Variants in EYS observed in about 807,000 individuals in gnomAD.
EYS encodes the protein protein eyes shut homolog.
Under a neutral mutation model 282.1 loss-of-function variants are expected in EYS, and 250 were observed. The ratio of observed to expected loss-of-function variants is 0.89; its 90% CI spans 0.80 to 0.98. The LOEUF is 0.98. Ranked by LOEUF, EYS falls within the 50% of genes least tolerant of loss-of-function variation. The pLI is 0.00. For missense variants in EYS, 4,016 were observed against 3,709.0 expected (o/e 1.08, Z -2.15); for synonymous variants, 1,355 against 1,282.9 (o/e 1.06, Z -1.20).
intron 40 of EYS, among the ~76,000 whole-genome samples, chr6:63,767,039 TG>T (rs1017278026): frequency 5.9e-5 from 9 of 152,106 alleles, no homozygotes; most frequent in Non-Finnish European, 1.2e-4. Context: ...CTTTCTTTTG[TG>T]TTAAAAACCC....
chr6:64,177,924 T>A (rs567633196), intron 31 of EYS, among the ~76,000 whole-genome samples: 1 of 152,266 alleles, frequency 6.6e-6, no homozygotes, highest in African/African-American at 2.4e-5. Context: ...GTTCTCCTTT[T>A]AGCATATTCC....
rs1764937585 is a variant in EYS at position 64,822,744 on chromosome 6, T to C, written c.3071A>G (p.Asn1024Ser). The C allele has an allele frequency of 1.3e-6, 2 of 1,550,214 alleles. No homozygotes were observed. Among genetic ancestry groups the C allele is most frequent in the African/African-American group, 1.4e-5 (1 of 73,052 alleles). Reference protein sequence around the residue: ...LHDGVCIDGINHYTCDCKSGF... With the variant: ...LHDGVCIDGISHYTCDCKSGF... ...ACTCTTGCAGTCACAGGTATAATGATTGATGCCATCGATACAAACTCCATC... is the reference window on the plus strand; with the variant it reads ...ACTCTTGCAGTCACAGGTATAATGACTGATGCCATCGATACAAACTCCATC... The change falls in exon 20 of 43, where the codon AAT becomes AGT. Residue 1024 changes from asparagine to serine, a missense_variant. By Grantham distance (46) the Asn-to-Ser change is conservative. Coordinates refer to ENST00000503581, the MANE Select transcript of EYS (RefSeq NM_001142800.2).
intron 26 of EYS, among the ~76,000 whole-genome samples, chr6:64,554,433 A>G (rs772416381): frequency 6.6e-6 from 1 of 152,068 alleles, no homozygotes; most frequent in Non-Finnish European, 1.5e-5. Flanking sequence ...TCAAGCTTAC[A>G]CTAAAAATGC....
chr6:64,781,800 C>A (rs1409889977), intron 22 of EYS, among the ~76,000 whole-genome samples: 3 of 152,112 alleles, frequency 2.0e-5, no homozygotes, highest in Non-Finnish European at 4.4e-5. Flanking sequence ...TTTTCAAAGT[C>A]ATCAGGGAAT....
At chr6:65,417,797 T>A (rs182634636) in intron 5 of EYS, among the ~76,000 whole-genome samples, 1 of 152,004 alleles carries the variant, frequency 6.6e-6, no homozygotes, top group Non-Finnish European at 1.5e-5. Flanking sequence ...AGGAGGATAG[T>A]CTAGAAACAT....
intron 34 of EYS, among the ~76,000 whole-genome samples, chr6:63,987,469 C>T (rs1401863973): frequency 1.3e-5 from 2 of 151,754 alleles, no homozygotes; most frequent in East Asian, 3.9e-4. Flanking sequence ...ACTTTCCCAC[C>T]CTCAGCAACA....
chr6:64,094,456 A>G (rs1259161215), intron 31 of EYS, among the ~76,000 whole-genome samples: 1 of 152,116 alleles, frequency 6.6e-6, no homozygotes. Flanking sequence ...CTATTCAGAG[A>G]TTCCACTTCT....
intron 15 of EYS, among the ~76,000 whole-genome samples, chr6:64,936,607 A>AATC (rs1479364054): frequency 2.0e-5 from 3 of 151,512 alleles, no homozygotes; most frequent in African/African-American, 7.2e-5. Context: ...AATATACAAA[A>AATC]ATCAGTGCTG....
intron 28 of EYS, among the ~76,000 whole-genome samples, chr6:64,398,937 T>G (rs1194286459): frequency 1.3e-5 from 2 of 151,874 alleles, no homozygotes; most frequent in East Asian, 3.8e-4. Context: ...GGTTAATTAC[T>G]TCTTACAATT....
chr6:64,783,141 T>C (rs189597511), intron 22 of EYS, among the ~76,000 whole-genome samples: 2 of 152,258 alleles, frequency 1.3e-5, no homozygotes, highest in Admixed American at 6.5e-5. Flanking sequence ...GTCATCAGAT[T>C]GACTGTCATG....
At chr6:64,504,069 T>C (rs141320127) in intron 26 of EYS, among the ~76,000 whole-genome samples, 2 of 152,248 alleles carry the variant, frequency 1.3e-5, no homozygotes, top group Non-Finnish European at 2.9e-5. Context: ...ACTAAACCTA[T>C]TTTCTTCATA....
rs764912280 is a variant in EYS at position 63,791,594 on chromosome 6, A to AAAG, written c.7412-2373_7412-2371dup. Among the ~76,000 whole-genome samples the AAAG allele has an allele frequency of 3.3e-5, 5 of 151,662 alleles. No individual in the cohort carries two copies. In the South Asian group the frequency reaches 1.0e-3, roughly 32 times the overall value. ...CTCCCTCTCAAAAAAAAAAAAAAAA[A>AAAG]AAGAAGAAGAACTGCTGGGATGTGG... On this transcript the variant is annotated intron_variant, in intron 37 of 42. Coordinates refer to ENST00000503581, the MANE Select transcript of EYS (RefSeq NM_001142800.2).
intron 29 of EYS, among the ~76,000 whole-genome samples, chr6:64,369,442 G>C (rs1772280254): frequency 6.6e-6 from 1 of 152,032 alleles, no homozygotes; most frequent in East Asian, 1.9e-4. Context: ...CTAATTCTTT[G>C]AAGAATGTCA....
chr6:63,927,908 A>G (rs1482369130), intron 35 of EYS, among the ~76,000 whole-genome samples: 3 of 152,248 alleles, frequency 2.0e-5, no homozygotes, highest in African/African-American at 4.8e-5. Context: ...ATGAAAATTT[A>G]TGAGCTTCCT....
chr6:65,442,892 A>T (rs1768408354), intron 5 of EYS, among the ~76,000 whole-genome samples: 1 of 103,424 alleles, frequency 9.7e-6, no homozygotes, highest in African/African-American at 2.6e-5. Context: ...ACATATGTAC[A>T]TATATGTATA....
At chr6:64,863,946 T>A (rs1326501677) in intron 19 of EYS, among the ~76,000 whole-genome samples, 1 of 152,200 alleles carries the variant, frequency 6.6e-6, no homozygotes, top group African/African-American at 2.4e-5. Context: ...TGATCTCTAT[T>A]ATCTGTATGG....
intron 11 of EYS, chr6:65,331,277 G>T: frequency 1.6e-6 from 1 of 623,828 alleles, no homozygotes; most frequent in Non-Finnish European, 2.0e-6. Flanking sequence ...TTAACTCCAT[G>T]CATTATATTT....
At chr6:64,982,813 C>T (rs1195796728) in intron 14 of EYS, among the ~76,000 whole-genome samples, 2 of 151,000 alleles carry the variant, frequency 1.3e-5, no homozygotes, top group Non-Finnish European at 3.0e-5. Flanking sequence ...TGTATTTATG[C>T]TTAACCTTAA....
At chr6:65,104,512 A>G (rs893865702) in intron 12 of EYS, among the ~76,000 whole-genome samples, 10 of 151,468 alleles carry the variant, frequency 6.6e-5, no homozygotes, top group Non-Finnish European at 1.3e-4. Flanking sequence ...AAGTTTTTAA[A>G]ATGTAAGAAT....
Sources: allele counts gnomAD v4.1 joint callset (sites outside exome capture counted in the v4.1 genomes callset), GRCh38; gene constraint gnomAD v4.1.1; transcripts MANE v1.5; gene names NCBI Gene and HGNC (gene_info 2026-07-23, HGNC 2026-07-21).